The following PCDH15 variants were observed in gnomAD, a reference collection of about 807,000 sequenced individuals.
The protein encoded by PCDH15 is protocadherin-15.
In PCDH15, 129 loss-of-function variants were observed where a neutral mutation model predicts 178.5. The observed-to-expected ratio is 0.72, with a 90% CI of 0.63 to 0.84. PCDH15 has a LOEUF of 0.84. Ranked by LOEUF, PCDH15 falls within the 40% of genes least tolerant of loss-of-function variation. PCDH15 has a pLI of 0.00. For missense variants in PCDH15, 2,230 were observed against 2,099.9 expected (o/e 1.06, Z -1.21); for synonymous variants, 800 against 732.0 (o/e 1.09, Z -1.50).
chr10:55,087,642 G>A (rs1248452852), intron 2 of PCDH15, among the ~76,000 whole-genome samples: 1 of 152,078 alleles, frequency 6.6e-6, no homozygotes, highest in East Asian at 1.9e-4. Context: ...AGACTGTTAT[G>A]GTAAACAGGT....
intron 3 of PCDH15, among the ~76,000 whole-genome samples, chr10:54,851,302 C>T (rs1346852413): frequency 1.3e-5 from 2 of 151,498 alleles, no homozygotes; most frequent in Non-Finnish European, 2.9e-5. Flanking sequence ...GTCAAAAATG[C>T]TAAAAAGACT....
chr10:54,402,380 A>G (rs1215681476), intron 3 of PCDH15, among the ~76,000 whole-genome samples: 3 of 152,174 alleles, frequency 2.0e-5, no homozygotes, highest in Non-Finnish European at 4.4e-5. Flanking sequence ...TCAATGACAT[A>G]TATTAACAAC....
intron 25 of PCDH15, among the ~76,000 whole-genome samples, chr10:53,924,222 G>A (rs1025890894): frequency 6.6e-5 from 10 of 152,194 alleles, no homozygotes; most frequent in Non-Finnish European, 1.2e-4. Flanking sequence ...TGTGGCGCTC[G>A]CGAGCCAGCG....
At chr10:55,412,504 T>G (rs1028843780) in intron 2 of PCDH15, among the ~76,000 whole-genome samples, 3 of 151,852 alleles carry the variant, frequency 2.0e-5, no homozygotes, top group Non-Finnish European at 4.4e-5. Flanking sequence ...GAGAGAAATC[T>G]TAAAAGGAAG....
intron 33 of PCDH15, among the ~76,000 whole-genome samples, chr10:53,819,192 T>G (rs2076168082): frequency 6.6e-6 from 1 of 151,870 alleles, no homozygotes; most frequent in Non-Finnish European, 1.5e-5. Flanking sequence ...ATATTTAGGT[T>G]TAAACAATGA....
chr10:53,906,077 T>C (rs1015009935), intron 25 of PCDH15, among the ~76,000 whole-genome samples: 1 of 152,112 alleles, frequency 6.6e-6, no homozygotes, highest in African/African-American at 2.4e-5. Flanking sequence ...TACTGTATCA[T>C]GAATTTTGAA....
chr10:54,803,458 C>T (rs749163496), upstream of PCDH15, among the ~76,000 whole-genome samples: 3 of 152,054 alleles, frequency 2.0e-5, no homozygotes, highest in Non-Finnish European at 4.4e-5. Flanking sequence ...GGATAAAGTG[C>T]CATGTAACCA....
At chr10:54,815,704 G>C (rs1952936250) in intron 3 of PCDH15, among the ~76,000 whole-genome samples, 2 of 152,046 alleles carry the variant, frequency 1.3e-5, no homozygotes, top group African/African-American at 4.8e-5. Context: ...AGGCAACAAA[G>C]TCATGCCATT....
intron 3 of PCDH15, among the ~76,000 whole-genome samples, chr10:54,493,053 C>T (rs556791957): frequency 6.6e-6 from 1 of 152,132 alleles, no homozygotes; most frequent in Admixed American, 6.6e-5. Context: ...GACTTATTCA[C>T]TGTCACTAGA....
chr10:55,288,192 C>T (rs1842920751), intron 1 of PCDH15, among the ~76,000 whole-genome samples: 1 of 149,840 alleles, frequency 6.7e-6, no homozygotes, highest in Admixed American at 6.8e-5. Flanking sequence ...AGAGTAACGG[C>T]ACACGTAGGC....
chr10:55,020,120 TTA>T (rs368939164), intron 2 of PCDH15, among the ~76,000 whole-genome samples: 17,923 of 147,164 alleles, frequency 0.12, 1,236 homozygotes, highest in Middle Eastern at 0.2. Flanking sequence ...ATATGTATAA[TTA>T]TATATATATA....
chr10:53,979,949 C>T (rs941344762), intron 21 of PCDH15, among the ~76,000 whole-genome samples: 14 of 152,126 alleles, frequency 9.2e-5, no homozygotes, highest in African/African-American at 2.7e-4. Flanking sequence ...CCAGGTGCGG[C>T]GGCTCACGCC....
At chr10:53,909,005 C>T (rs1177221430) in intron 25 of PCDH15, among the ~76,000 whole-genome samples, 8 of 152,200 alleles carry the variant, frequency 5.3e-5, no homozygotes, top group Non-Finnish European at 8.8e-5. Context: ...AGCATTGTGA[C>T]TTCCACATAG....
intron 18 of PCDH15, among the ~76,000 whole-genome samples, chr10:54,027,878 T>C (rs1405652816): frequency 6.8e-6 from 1 of 147,550 alleles, no homozygotes; most frequent in African/African-American, 2.5e-5. Flanking sequence ...GACATAGGCA[T>C]GGGCAAGGAC....
chr10:54,585,861 G>C (rs973604004), intron 2 of PCDH15, among the ~76,000 whole-genome samples: 2 of 152,036 alleles, frequency 1.3e-5, no homozygotes, highest in African/African-American at 4.8e-5. Context: ...TTCCTTTCCT[G>C]TGGGTAGGGC....
chr10:53,896,951 T>C (rs753630689), intron 26 of PCDH15, among the ~76,000 whole-genome samples: 22 of 152,110 alleles, frequency 1.4e-4, no homozygotes, highest in Non-Finnish European at 2.8e-4. Flanking sequence ...TATATTACGA[T>C]GTAATAATAA....
chr10:54,670,129 G>A (rs2094636450), intron 1 of PCDH15, among the ~76,000 whole-genome samples: 1 of 152,080 alleles, frequency 6.6e-6, no homozygotes, highest in Non-Finnish European at 1.5e-5. Context: ...CCTAAACATT[G>A]TGGGATAAAA....
intron 2 of PCDH15, among the ~76,000 whole-genome samples, chr10:54,581,078 C>T (rs183171113): frequency 2.6e-5 from 4 of 152,048 alleles, no homozygotes; most frequent in Admixed American, 2.0e-4. Context: ...CTATTCAATG[C>T]AGTACTGGAA....
At chr10:55,359,720 G>GTATATATATATATATA (rs57949952) in intron 2 of PCDH15, among the ~76,000 whole-genome samples, 85 of 112,826 alleles carry the variant, frequency 7.5e-4, no homozygotes, top group African/African-American at 3.0e-3. Flanking sequence ...AAAATGTGGT[G>GTATATATATATATATA]TATATATATA....
Sources: gnomAD v4.1 joint callset for allele counts (sites outside exome capture counted in the v4.1 genomes callset) on GRCh38, gnomAD v4.1.1 for gene constraint, MANE v1.5 for transcripts, NCBI Gene and HGNC (gene_info 2026-07-23, HGNC 2026-07-21) for gene names.